The following TTC6 variants were observed in gnomAD, a reference collection of about 807,000 sequenced individuals.
TTC6 encodes tetratricopeptide repeat protein 6.
In TTC6, 172 loss-of-function variants were observed where a neutral mutation model predicts 210.4. That is an observed-to-expected ratio of 0.82 (90% CI 0.72 to 0.93). TTC6 has a LOEUF of 0.93. TTC6 is among the 40% of genes least tolerant of loss of function. The pLI is 0.00. For synonymous variants in TTC6, 804 were observed against 819.6 expected, an observed-to-expected ratio of 0.98 and a Z score of 0.32; for missense variants, 2,414 against 2,318.1, an observed-to-expected ratio of 1.04 and a Z score of -0.85.
intron 18 of TTC6, 143 bp downstream of exon 20, chr14:37,795,495 C>A (rs1231276311): frequency 7.7e-6 from 4 of 519,718 alleles, no homozygotes; most frequent in Non-Finnish European, 1.3e-5. Context: ...CACCAGCAAG[C>A]CAGTTTGTTA....
chr14:37,759,010 C>T (rs2415412), intron 14 of TTC6, among the ~76,000 whole-genome samples: 69,693 of 151,820 alleles, frequency 0.46, 16,828 homozygotes, highest in South Asian at 0.62. Context: ...TGGTGGCTCA[C>T]GCCTGTAATC....
At chr14:37,834,285 T>G (rs1238359511) in intron 29 of TTC6, among the ~76,000 whole-genome samples, 1 of 106,914 alleles carries the variant, frequency 9.4e-6, no homozygotes, top group Non-Finnish European at 2.5e-5. Context: ...TTTCTATGAC[T>G]TTTTCTTTTC....
intron 17 of TTC6, 115 bp downstream of exon 19, chr14:37,792,529 T>C (rs2096082377): frequency 3.8e-6 from 3 of 781,872 alleles, no homozygotes; most frequent in African/African-American, 1.8e-5. Context: ...GGCTAATGCA[T>C]TTATAAACAA....
chr14:37,821,845 A>T (rs1254624754), intron 26 of TTC6, among the ~76,000 whole-genome samples: 1 of 126,802 alleles, frequency 7.9e-6, no homozygotes, highest in African/African-American at 3.2e-5. Flanking sequence ...CAGTGGCATG[A>T]TCTCAGCTCA....
chr14:37,748,454 A>G (rs2095942432), intron 10 of TTC6, among the ~76,000 whole-genome samples: 1 of 152,156 alleles, frequency 6.6e-6, no homozygotes, highest in Non-Finnish European at 1.5e-5. Flanking sequence ...TTGAAAGCAT[A>G]TTAGGTATTA....
chr14:37,601,994 CAAAT>C (rs2095616406), intron 1 of TTC6, among the ~76,000 whole-genome samples: 1 of 152,350 alleles, frequency 6.6e-6, no homozygotes, highest in South Asian at 2.1e-4. Context: ...AATTGGCAAA[CAAAT>C]AAAGCCGAGC....
chr14:37,626,813 A>C (rs145993599), intron 1 of TTC6, among the ~76,000 whole-genome samples: 1,997 of 152,328 alleles, frequency 0.013, 19 homozygotes, highest in Non-Finnish European at 0.02. Context: ...CAAGACAAAA[A>C]ATTTTTAGAC....
chr14:37,688,234 G>A (rs2095797508), intron 3 of TTC6, among the ~76,000 whole-genome samples: 1 of 152,136 alleles, frequency 6.6e-6, no homozygotes, highest in African/African-American at 2.4e-5. Context: ...GGAGAAGAGT[G>A]GGAAGGATTT....
Position 37,699,715 on chromosome 14 carries a change from G to T in TTC6, c.1377-1617G>T, listed in dbSNP as rs376910548. Among the ~76,000 whole-genome samples the T allele has an allele frequency of 2.0e-4, 30 of 152,308 alleles. No homozygotes were observed. The East Asian group carries it at 5.2e-3, about 26-fold the overall frequency. ...AGAAGGAACACACCTGAGCAACCCT[G>T]TGCGGGGGAGAAACTCAGTTTTGCA... On this transcript the variant is annotated intron_variant, in intron 4 of 30. Transcript: ENST00000553443.
At chr14:37,658,028 A>G (rs2095728515) in intron 1 of TTC6, among the ~76,000 whole-genome samples, 1 of 152,230 alleles carries the variant, frequency 6.6e-6, no homozygotes, top group Non-Finnish European at 1.5e-5. Context: ...CTAAATAGTA[A>G]ATAGTTTAAG....
chr14:37,610,859 C>T (rs1025008142), intron 2 of TTC6, among the ~76,000 whole-genome samples: 3 of 152,264 alleles, frequency 2.0e-5, no homozygotes, highest in Non-Finnish European at 4.4e-5. Flanking sequence ...CTGGCTTCTT[C>T]GCTCAACATT....
At chr14:37,725,348 A>ATATATATATATATATATG (rs1555391434) in intron 7 of TTC6, among the ~76,000 whole-genome samples, 3 of 113,296 alleles carry the variant, frequency 2.6e-5, no homozygotes, top group Non-Finnish European at 3.6e-5. Context: ...ATATATATAT[A>ATATATATATATATATATG]TATATATATA....
At chr14:37,682,839 G>A in exon 3 of TTC6, 1 of 1,535,674 alleles carries the variant, frequency 6.5e-7, no homozygotes, top group Non-Finnish European at 8.7e-7. Context: ...ACCCTCAGAA[G>A]CAGAAAGCAT....
chr14:37,823,818 C>T (rs1469000190), exon 27 of TTC6: 3 of 1,613,952 alleles, frequency 1.9e-6, no homozygotes, highest in Non-Finnish European at 2.5e-6. Flanking sequence ...TTTCTGGATG[C>T]TTATGTTGGA....
At chr14:37,714,925 C>T (rs2095850099) in intron 6 of TTC6, 129 bp downstream of exon 8, 1 of 829,936 alleles carries the variant, frequency 1.2e-6, no homozygotes, top group Non-Finnish European at 1.8e-6. Context: ...CGCCTGTAAT[C>T]CCAGAACTTT....
At chr14:37,826,285 G>A (rs568304596) in exon 28 of TTC6, 4 of 1,612,530 alleles carry the variant, frequency 2.5e-6, no homozygotes, top group Admixed American at 1.7e-5. Context: ...AGGAAGAGCT[G>A]TGGTCTGTCT....
intron 14 of TTC6, among the ~76,000 whole-genome samples, chr14:37,781,950 T>C (rs1057406827): frequency 6.6e-6 from 1 of 152,176 alleles, no homozygotes; most frequent in African/African-American, 2.4e-5. Context: ...AGTGTGGTAT[T>C]ATTTCTGAGG....
chr14:37,636,155 G>A (rs934720305), intron 1 of TTC6, among the ~76,000 whole-genome samples: 3 of 152,034 alleles, frequency 2.0e-5, no homozygotes, highest in African/African-American at 2.4e-5. Context: ...AGAGATAGAC[G>A]AATTGAAAAT....
intron 10 of TTC6, among the ~76,000 whole-genome samples, chr14:37,745,618 A>G: frequency 6.6e-6 from 1 of 152,176 alleles, no homozygotes; most frequent in East Asian, 1.9e-4. Context: ...TACTAGGTCC[A>G]CTGTTAAATG....
Sources: gnomAD v4.1 joint callset for allele counts (sites outside exome capture counted in the v4.1 genomes callset) on GRCh38, gnomAD v4.1.1 for gene constraint, MANE v1.5 for transcripts, NCBI Gene and HGNC (gene_info 2026-07-23, HGNC 2026-07-21) for gene names.